The following ATXN1 variants were observed in gnomAD, a reference collection of about 807,000 sequenced individuals.
ATXN1 encodes the protein ataxin 1.
ATXN1 carries 8 observed loss-of-function variants against 56.4 expected under a neutral mutation model. That is an observed-to-expected ratio of 0.14 (90% CI 0.08 to 0.26). ATXN1 has a LOEUF of 0.26. Ranked by LOEUF, ATXN1 falls within the 10% of genes least tolerant of loss-of-function variation. The probability of loss-of-function intolerance (pLI) is 1.00; values close to 1 mark genes in which losing one functional copy is unlikely to be tolerated. For missense variants in ATXN1, 987 were observed against 1,106.5 expected (o/e 0.89, Z 1.53); for synonymous variants, 514 against 494.6 (o/e 1.04, Z -0.52).
intron 6 of ATXN1, among the ~76,000 whole-genome samples, chr6:16,347,482 C>A (rs1581705194): frequency 6.6e-6 from 1 of 152,010 alleles, no homozygotes; most frequent in East Asian, 1.9e-4. Context: ...ACTTGGAGAA[C>A]CTTTATGTCT....
chr6:16,586,538 A>C (rs2113766042), intron 3 of ATXN1, among the ~76,000 whole-genome samples: 1 of 152,292 alleles, frequency 6.6e-6, no homozygotes, highest in African/African-American at 2.4e-5. Flanking sequence ...ACTCCACTGC[A>C]GTCTGTGAGG....
intron 4 of ATXN1, among the ~76,000 whole-genome samples, chr6:16,541,653 A>G (rs1761715679): frequency 6.6e-6 from 1 of 152,172 alleles, no homozygotes. Context: ...AGGGAGAGAG[A>G]GCAATTTTGC....
intron 6 of ATXN1, among the ~76,000 whole-genome samples, chr6:16,466,520 G>A (rs188070557): frequency 4.1e-4 from 63 of 151,998 alleles, no homozygotes; most frequent in Non-Finnish European, 8.5e-4. Flanking sequence ...TGGTGAAATC[G>A]AAGAACTTTC....
chr6:16,623,650 GAACC>G (rs1338960701), intron 3 of ATXN1, among the ~76,000 whole-genome samples: 2 of 152,168 alleles, frequency 1.3e-5, no homozygotes, highest in Admixed American at 6.5e-5. Context: ...CAATTAATCT[GAACC>G]AAACTAAGAA....
At chr6:16,467,570 C>T (rs1429465316) in intron 6 of ATXN1, among the ~76,000 whole-genome samples, 1 of 152,164 alleles carries the variant, frequency 6.6e-6, no homozygotes, top group African/African-American at 2.4e-5. Flanking sequence ...CTCTATCTAC[C>T]ATCTTTTCTG....
At chr6:16,401,919 C>G (rs1758582132) in intron 6 of ATXN1, among the ~76,000 whole-genome samples, 1 of 152,152 alleles carries the variant, frequency 6.6e-6, no homozygotes, top group South Asian at 2.1e-4. Flanking sequence ...CTTACAGTTC[C>G]ACATGGCTGA....
intron 1 of ATXN1, chr6:16,761,056 G>GTACACACA (rs1235264289): frequency 3.5e-6 from 1 of 284,004 alleles, no homozygotes; most frequent in South Asian, 2.7e-5. Context: ...ACGGTTGTAT[G>GTACACACA]TACACACATA....
chr6:16,539,642 C>T (rs1404972647), intron 4 of ATXN1, among the ~76,000 whole-genome samples: 2 of 152,208 alleles, frequency 1.3e-5, no homozygotes, highest in Non-Finnish European at 2.9e-5. Flanking sequence ...CACTCTCACA[C>T]CGATTTACCT....
At chr6:16,648,448 A>G (rs745392158) in intron 3 of ATXN1, among the ~76,000 whole-genome samples, 1 of 152,252 alleles carries the variant, frequency 6.6e-6, no homozygotes, top group African/African-American at 2.4e-5. Flanking sequence ...GCAACAAAAT[A>G]TAGTCAGTAC....
At chr6:16,614,127 C>T (rs1029618136) in intron 3 of ATXN1, among the ~76,000 whole-genome samples, 12 of 151,486 alleles carry the variant, frequency 7.9e-5, no homozygotes, top group Non-Finnish European at 8.8e-5. Flanking sequence ...TGGAAATTTC[C>T]GAAGCTGCTA....
Position 16,617,732 on chromosome 6 carries a change from A to G in ATXN1, c.-488-31825T>C, listed in dbSNP as rs1452314101. On this transcript the variant is annotated intron_variant, in intron 3 of 7. Transcript: ENST00000436367. The stretch of plus-strand genomic sequence containing the variant: ...CAGTGAGCCGAGATCACGCCGCTGC[A>G]CTCCTGCCTGGGCAATAGAGAGAAA... 2.2e-5 allele frequency among the ~76,000 whole-genome samples: 3 copies of G among 134,370 alleles called. No homozygotes were observed. The East Asian group carries it at 7.4e-4, about 33-fold the overall frequency. 88.2% of individuals were successfully genotyped at this position (134,370 alleles called of 152,430 possible). A position where few individuals can be genotyped will look rare whatever the true frequency, so the allele number is the denominator to read the frequency against.
intron 4 of ATXN1, among the ~76,000 whole-genome samples, chr6:16,544,532 A>T (rs1473603571): frequency 6.6e-6 from 1 of 152,154 alleles, no homozygotes; most frequent in African/African-American, 2.4e-5. Context: ...TGTGTATTCA[A>T]TTCTCTGAGT....
At chr6:16,740,922 C>T (rs1214995173) in intron 2 of ATXN1, among the ~76,000 whole-genome samples, 1 of 152,192 alleles carries the variant, frequency 6.6e-6, no homozygotes, top group East Asian at 1.9e-4. Flanking sequence ...CATTTCTTCA[C>T]CATTCCAGCT....
chr6:16,717,074 A>C (rs1429944756), intron 2 of ATXN1, among the ~76,000 whole-genome samples: 1 of 152,282 alleles, frequency 6.6e-6, no homozygotes, highest in African/African-American at 2.4e-5. Context: ...TACAAAGCCA[A>C]CTGAAGAAAG....
At chr6:16,577,299 G>A (rs903888462) in intron 4 of ATXN1, among the ~76,000 whole-genome samples, 8 of 152,090 alleles carry the variant, frequency 5.3e-5, no homozygotes, top group African/African-American at 1.7e-4. Flanking sequence ...CGAGGAGGGT[G>A]GATCACCTGA....
intron 6 of ATXN1, among the ~76,000 whole-genome samples, chr6:16,466,673 C>A (rs1581782712): frequency 6.6e-6 from 1 of 152,068 alleles, no homozygotes; most frequent in South Asian, 2.1e-4. Flanking sequence ...GATTCTATTT[C>A]TGTAAAGCTA....
intron 3 of ATXN1, among the ~76,000 whole-genome samples, chr6:16,639,541 C>A (rs1460765247): frequency 2.0e-5 from 3 of 152,138 alleles, no homozygotes; most frequent in Non-Finnish European, 4.4e-5. Flanking sequence ...CTTGAACTCC[C>A]AACCTCAGGT....
intron 6 of ATXN1, among the ~76,000 whole-genome samples, chr6:16,476,934 A>G (rs904993499): frequency 6.6e-6 from 1 of 152,234 alleles, no homozygotes; most frequent in Admixed American, 6.5e-5. Context: ...ACACAGTTTC[A>G]TGCAATTATC....
intron 3 of ATXN1, among the ~76,000 whole-genome samples, chr6:16,610,505 C>T (rs893414384): frequency 2.0e-5 from 3 of 151,992 alleles, no homozygotes; most frequent in Non-Finnish European, 2.9e-5. Flanking sequence ...AATAAAACAA[C>T]TACACAGCTC....
Sources: gnomAD v4.1 joint callset for allele counts (sites outside exome capture counted in the v4.1 genomes callset) on GRCh38, gnomAD v4.1.1 for gene constraint, MANE v1.5 for transcripts, NCBI Gene and HGNC (gene_info 2026-07-23, HGNC 2026-07-21) for gene names.